Variants in RAB3GAP2 observed in about 807,000 individuals in gnomAD.
The protein encoded by RAB3GAP2 is rab3 GTPase-activating protein non-catalytic subunit.
A neutral mutation model predicts 185.3 loss-of-function variants in RAB3GAP2; 87 were observed. The observed-to-expected ratio is 0.47, with a 90% confidence interval of 0.39 to 0.56. The LOEUF (loss-of-function observed/expected upper bound fraction) is 0.56, where lower values mean the gene tolerates loss of function less well. Ranked by LOEUF, RAB3GAP2 falls within the 20% of genes least tolerant of loss-of-function variation. RAB3GAP2 has a pLI of 0.00. For synonymous variants in RAB3GAP2, 554 were observed against 576.1 expected (o/e 0.96, Z 0.55); for missense variants, 1,492 against 1,638.2 (o/e 0.91, Z 1.54).
rs1454546407 is a variant in RAB3GAP2, at chr1:220,170,973, T to C, written c.2725A>G (p.Thr909Ala). 2.5e-6 allele frequency: 4 copies of C among 1,614,024 alleles called. No individual in the cohort carries two copies. The highest frequency in any genetic ancestry group is 2.5e-6 in the Non-Finnish European group (3 of 1,180,018). The change falls in exon 24 of 35, where the codon ACT becomes GCT. Residue 909 changes from threonine to alanine, a missense_variant. Transcript: ENST00000358951. Reference sequence around the variant, plus strand: ...AGTGATGACACTTTGGAGGTCTGAGTGTTCCCTTTGCTGTGAAGCAGAGTC... The same window carrying C: ...AGTGATGACACTTTGGAGGTCTGAGCGTTCCCTTTGCTGTGAAGCAGAGTC... ...LQTLLHSKGNTQTSKVSSLQA... is the reference protein window; with the variant it reads ...LQTLLHSKGNAQTSKVSSLQA...
At chr1:220,214,396 C>T (rs777770612) in intron 2 of RAB3GAP2, among the ~76,000 whole-genome samples, 5 of 151,960 alleles carry the variant, frequency 3.3e-5, no homozygotes, top group Admixed American at 6.6e-5. Context: ...TGTGGCGGCG[C>T]GTGCCTGTAA....
intron 28 of RAB3GAP2, among the ~76,000 whole-genome samples, chr1:220,160,819 T>A (rs1364417483): frequency 6.6e-6 from 1 of 152,186 alleles, no homozygotes; most frequent in Non-Finnish European, 1.5e-5. Context: ...AAACACTCCC[T>A]ATTGTCTGTT....
chr1:220,259,528 C>A (rs1660095539), intron 1 of RAB3GAP2, among the ~76,000 whole-genome samples: 1 of 152,072 alleles, frequency 6.6e-6, no homozygotes, highest in Admixed American at 6.6e-5. Context: ...AATGGGACTA[C>A]TGCCTAGCCA....
At position 220,172,655 on chromosome 1, in the gene RAB3GAP2, G is replaced by C. The variant is rs1658201368; in HGVS notation, c.2398C>G (p.Leu800Val). 1.2e-6 allele frequency: 2 copies of C among 1,610,134 alleles called. No homozygotes were observed. Among genetic ancestry groups the C allele is most frequent in the South Asian group, 2.2e-5 (2 of 91,010 alleles). Residue 800 changes from leucine (L) to valine (V), a missense_variant, in exon 22 of 35, where the codon CTC becomes GTC. Transcript: ENST00000358951. ...TGTTTACCTTTCATCTTGCTCAGGA[G>C]GGACAGCATGGTATGAAGACAGCAG... ...SICCLHTMLS[L>V]LSKMKVAIDE...
chr1:220,267,439 G>A (rs1660248744), intron 1 of RAB3GAP2: 1 of 1,366,456 alleles, frequency 7.3e-7, no homozygotes, highest in African/African-American at 1.4e-5. Context: ...CACCCTAAGA[G>A]CCAGAATAAA....
intron 1 of RAB3GAP2, among the ~76,000 whole-genome samples, chr1:220,256,145 C>G (rs1660028436): frequency 6.6e-6 from 1 of 152,184 alleles, no homozygotes; most frequent in Non-Finnish European, 1.5e-5. Context: ...AATTTCATAC[C>G]TGGCTAAGCT....
chr1:220,248,170 C>T (rs993296922), intron 1 of RAB3GAP2, among the ~76,000 whole-genome samples: 2 of 152,020 alleles, frequency 1.3e-5, no homozygotes, highest in Admixed American at 6.6e-5. Flanking sequence ...ACTGTATGAT[C>T]TCACTTATAA....
intron 15 of RAB3GAP2, 31 bp from the exon 16 acceptor site, chr1:220,190,177 G>A (rs759304333): frequency 1.3e-6 from 2 of 1,572,722 alleles, no homozygotes; most frequent in South Asian, 1.1e-5. Context: ...AATTATTACA[G>A]AATGTGAAAT....
chr1:220,216,549 G>C (rs1417230081), intron 2 of RAB3GAP2, among the ~76,000 whole-genome samples: 1 of 152,144 alleles, frequency 6.6e-6, no homozygotes, highest in Non-Finnish European at 1.5e-5. Flanking sequence ...GTGAGGCACA[G>C]GACCTTCTAA....
rs1399172387 is a variant in RAB3GAP2 at position 220,148,621 on chromosome 1, CTCA to C, written c.*2627_*2629del. 1.3e-5 allele frequency: 2 copies of C among 152,056 alleles called. No individual in the cohort carries two copies. Among genetic ancestry groups the C allele is most frequent in the Non-Finnish European group, 2.9e-5 (2 of 67,998 alleles). 9.4% of individuals were successfully genotyped at this position (152,056 alleles called of 1,614,324 possible). A position where few individuals can be genotyped will look rare whatever the true frequency, so the allele number is the denominator to read the frequency against. ...AATGAACATTATATTCAGTGTAAGTCTCATATTATTAAATTTCAGATTTTTGAC... is the reference window on the plus strand; with the variant it reads ...AATGAACATTATATTCAGTGTAAGTCTATTATTAAATTTCAGATTTTTGAC... On this transcript the variant is annotated 3_prime_UTR_variant, in exon 35 of 35. Transcript: ENST00000358951.
intron 2 of RAB3GAP2, among the ~76,000 whole-genome samples, chr1:220,214,946 T>TTTTATATATA (rs1491243072): frequency 1.1e-5 from 1 of 89,620 alleles, no homozygotes. Flanking sequence ...AATAGTAGCA[T>TTTTATATATA]TATATATATA....
intron 12 of RAB3GAP2, among the ~76,000 whole-genome samples, chr1:220,194,283 C>CA (rs964742256): frequency 6.6e-6 from 1 of 150,482 alleles, no homozygotes; most frequent in Non-Finnish European, 1.5e-5. Context: ...CTCCCTCCAC[C>CA]AAAAAAAACT....
chr1:220,207,629 A>T (rs907200371), intron 7 of RAB3GAP2: 3 of 152,278 alleles, frequency 2.0e-5, no homozygotes, highest in Admixed American at 6.5e-5. Context: ...TGGCCCAGTG[A>T]TCACAGCAGC....
chr1:220,240,587 G>C (rs1571923188), intron 1 of RAB3GAP2, among the ~76,000 whole-genome samples: 1 of 151,886 alleles, frequency 6.6e-6, no homozygotes, highest in Non-Finnish European at 1.5e-5. Context: ...CTTTCACTCT[G>C]GTTTATACCA....
At chr1:220,254,378 T>C (rs2102526121) in intron 1 of RAB3GAP2, 6 of 1,613,198 alleles carry the variant, frequency 3.7e-6, no homozygotes, top group East Asian at 2.2e-5. Flanking sequence ...TTTGTACGAA[T>C]TGGAGCAATG....
In RAB3GAP2 at chr1:220,194,025, A is replaced by C. The variant is rs181983159; in HGVS notation, c.1131-646T>G. ...ATTTATTGACTCTTGATATTAGGAA[A>C]TGTGATATGTTACAATGTATTTTTT... is the stretch of plus-strand genomic sequence containing the variant. On this transcript the variant is annotated intron_variant, in intron 12 of 34. Transcript: ENST00000358951. Among the ~76,000 whole-genome samples the C allele has an allele frequency of 2.0e-5, 3 of 152,102 alleles. No individual in the cohort carries two copies. In the East Asian group the frequency reaches 5.8e-4, roughly 29 times the overall value.
Position 220,154,028 on chromosome 1 carries a change from A to T in RAB3GAP2, c.3585T>A (p.Thr1195=). 1 of 1,613,666 alleles carries T rather than the reference A, an allele frequency of 6.2e-7. No homozygotes were observed. Among genetic ancestry groups the T allele is most frequent in the Non-Finnish European group, 8.5e-7 (1 of 1,179,802 alleles). ...CCCCACTAGGTAATAACTGAATTGA[A>T]GTTAGGTCTTTGAAAAATGCATTTT... is the stretch of plus-strand genomic sequence containing the variant. The part of the protein sequence containing the change: ...KGKNAFFKDL[T]SIQLLPSGEM... The change falls in exon 32 of 35, where the codon ACT becomes ACA. Residue 1195 remains threonine, a synonymous_variant. Transcript: ENST00000358951.
At chr1:220,229,910 A>G (rs574692073) in intron 2 of RAB3GAP2, among the ~76,000 whole-genome samples, 4 of 152,348 alleles carry the variant, frequency 2.6e-5, no homozygotes, top group African/African-American at 2.4e-5. Context: ...ACTTAGCTAC[A>G]TGATTTCAGA....
At chr1:220,250,195 G>C (rs1025941991) in intron 1 of RAB3GAP2, among the ~76,000 whole-genome samples, 49 of 152,130 alleles carry the variant, frequency 3.2e-4, no homozygotes, top group African/African-American at 1.2e-3. Flanking sequence ...CAAAGCCACA[G>C]GGGGGGAGCT....
Sources: gnomAD v4.1 joint callset for allele counts (sites outside exome capture counted in the v4.1 genomes callset) on GRCh38, gnomAD v4.1.1 for gene constraint, MANE v1.5 for transcripts, NCBI Gene and HGNC (gene_info 2026-07-23, HGNC 2026-07-21) for gene names.